TLN2: variants seen among roughly 807,000 people sequenced by gnomAD.
TLN2 encodes the protein talin-2.
A neutral mutation model predicts 294.7 loss-of-function variants in TLN2; 118 were observed. The ratio of observed to expected loss-of-function variants is 0.40; its 90% CI spans 0.34 to 0.47. The LOEUF (loss-of-function observed/expected upper bound fraction) is 0.47. Among genes scored for constraint, TLN2 ranks in the 20% least tolerant of loss-of-function variants. The pLI is 0.84. For missense variants in TLN2, 3,083 were observed against 3,282.2 expected (o/e 0.94, Z 1.48); for synonymous variants, 1,431 against 1,304.5 (o/e 1.10, Z -2.09).
At chr15:62,825,789 TTATAA>T (rs1418285385) in intron 54 of TLN2, among the ~76,000 whole-genome samples, 1 of 83,612 alleles carries the variant, frequency 1.2e-5, no homozygotes. Flanking sequence ...ATATTATATA[TTATAA>T]TATATATTAT....
intron 28 of TLN2, among the ~76,000 whole-genome samples, chr15:62,729,774 A>G (rs1324136967): frequency 2.0e-5 from 3 of 152,062 alleles, no homozygotes; most frequent in East Asian, 1.9e-4. Context: ...GTTCGAGTCT[A>G]TCATCTTACT....
At chr15:62,475,155 A>G (rs2037717817) in intron 1 of TLN2, among the ~76,000 whole-genome samples, 1 of 152,192 alleles carries the variant, frequency 6.6e-6, no homozygotes, top group Admixed American at 6.5e-5. Flanking sequence ...GAATGCAACC[A>G]CTGTGACACC....
chr15:62,431,385 C>T (rs1048249527), intron 1 of TLN2, among the ~76,000 whole-genome samples: 2 of 152,208 alleles, frequency 1.3e-5, no homozygotes, highest in Non-Finnish European at 2.9e-5. Context: ...CGAATGTTCT[C>T]TACATATTTG....
At chr15:62,705,026 A>T (rs974930366) in intron 19 of TLN2, among the ~76,000 whole-genome samples, 1 of 152,212 alleles carries the variant, frequency 6.6e-6, no homozygotes, top group East Asian at 1.9e-4. Flanking sequence ...TCCTTTAAAC[A>T]TCCCATGCAA....
intron 1 of TLN2, among the ~76,000 whole-genome samples, chr15:62,575,824 T>C (rs1007693735): frequency 3.3e-5 from 5 of 152,234 alleles, no homozygotes; most frequent in African/African-American, 1.2e-4. Context: ...AGCAAGTGAG[T>C]GGCTATTCTC....
chr15:62,552,770 C>T (rs1225026124), intron 1 of TLN2, among the ~76,000 whole-genome samples: 1 of 152,146 alleles, frequency 6.6e-6, no homozygotes, highest in Non-Finnish European at 1.5e-5. Flanking sequence ...TAAATAGAAA[C>T]ACACATAAAG....
chr15:62,674,481 G>A (rs1179926851), intron 10 of TLN2, among the ~76,000 whole-genome samples: 13 of 150,888 alleles, frequency 8.6e-5, no homozygotes, highest in African/African-American at 7.3e-5. Context: ...GTGCACAGGC[G>A]TGTATTTACC....
chr15:62,534,216 C>T (rs921727228), intron 1 of TLN2, among the ~76,000 whole-genome samples: 1 of 152,106 alleles, frequency 6.6e-6, no homozygotes, highest in African/African-American at 2.4e-5. Context: ...GCTGGGTATC[C>T]TCTAATTCAA....
chr15:62,471,962 C>T, intron 1 of TLN2, among the ~76,000 whole-genome samples: 1 of 152,162 alleles, frequency 6.6e-6, no homozygotes, highest in East Asian at 1.9e-4. Context: ...TTCCTGCCTC[C>T]TTTCTTCCTT....
At chr15:62,698,685 G>T in intron 15 of TLN2, 69 bp from the exon 16 acceptor site, 1 of 1,349,886 alleles carries the variant, frequency 7.4e-7, no homozygotes. Flanking sequence ...GTTTTGCTTT[G>T]TTTTGCATAA....
chr15:62,581,581 G>T (rs893666294), intron 1 of TLN2, among the ~76,000 whole-genome samples: 2 of 152,190 alleles, frequency 1.3e-5, no homozygotes, highest in African/African-American at 4.8e-5. Context: ...AGGGAATAGT[G>T]TACAGAGGGG....
chr15:62,569,748 G>T (rs2140637151), intron 1 of TLN2, among the ~76,000 whole-genome samples: 2 of 152,348 alleles, frequency 1.3e-5, no homozygotes, highest in Middle Eastern at 3.4e-3. Flanking sequence ...GATCGTGTAG[G>T]ATAGGCACGG....
At chr15:62,619,327 G>A (rs557101211) in intron 3 of TLN2, among the ~76,000 whole-genome samples, 6 of 152,320 alleles carry the variant, frequency 3.9e-5, no homozygotes, top group South Asian at 4.1e-4. Context: ...TTCTCATAGC[G>A]CACCTCCAGT....
chr15:62,533,490 T>C (rs532147591), intron 1 of TLN2, among the ~76,000 whole-genome samples: 1 of 152,194 alleles, frequency 6.6e-6, no homozygotes, highest in South Asian at 2.1e-4. Context: ...TTCAGGTTTT[T>C]AGACTCCAAG....
intron 47 of TLN2, among the ~76,000 whole-genome samples, chr15:62,796,923 C>T (rs1341082910): frequency 6.6e-6 from 1 of 152,166 alleles, no homozygotes; most frequent in Non-Finnish European, 1.5e-5. Context: ...AGAAGCTGAC[C>T]TTTCATTGAA....
intron 1 of TLN2, among the ~76,000 whole-genome samples, chr15:62,454,835 G>T (rs944170782): frequency 6.6e-6 from 1 of 152,114 alleles, no homozygotes; most frequent in Non-Finnish European, 1.5e-5. Context: ...GAACTCTTTC[G>T]GATGGCTTCC....
chr15:62,754,068 G>A, intron 36 of TLN2, 152 bp downstream of exon 36: 1 of 1,093,610 alleles, frequency 9.1e-7, no homozygotes, highest in African/African-American at 1.6e-5. Context: ...ACTCAGGTGG[G>A]AGCAAATATT....
chr15:62,825,852 T>TTATATATA (rs374380687), intron 54 of TLN2, among the ~76,000 whole-genome samples: 1 of 89,526 alleles, frequency 1.1e-5, no homozygotes, highest in African/African-American at 6.0e-5. Flanking sequence ...TATAAATATA[T>TTATATATA]TATATATATA....
intron 26 of TLN2, among the ~76,000 whole-genome samples, 198 bp from the exon 27 acceptor site, chr15:62,724,778 G>A (rs1205597448): frequency 6.6e-6 from 1 of 152,094 alleles, no homozygotes; most frequent in South Asian, 2.1e-4. Flanking sequence ...CCTAATTGAT[G>A]GTTTAAGGAA....
Sources: allele counts gnomAD v4.1 joint callset (sites outside exome capture counted in the v4.1 genomes callset), GRCh38; gene constraint gnomAD v4.1.1; transcripts MANE v1.5; gene names NCBI Gene and HGNC (gene_info 2026-07-23, HGNC 2026-07-21).